The following PTPRD variants were observed in gnomAD, a reference collection of about 807,000 sequenced individuals.
PTPRD encodes the protein protein tyrosine phosphatase receptor type D.
A neutral mutation model predicts 214.5 loss-of-function variants in PTPRD; 34 were observed. The observed-to-expected ratio is 0.16, with a 90% CI of 0.12 to 0.21. The LOEUF is 0.21. PTPRD is among the 10% of genes least tolerant of loss of function. The pLI, the probability that PTPRD is intolerant of heterozygous loss-of-function variation, is 1.00. For synonymous variants in PTPRD, 1,128 were observed against 845.7 expected, an observed-to-expected ratio of 1.33 and a Z score of -5.79; for missense variants, 2,545 against 2,398.7, an observed-to-expected ratio of 1.06 and a Z score of -1.27.
chr9:10,579,172 G>C (rs975996402), intron 2 of PTPRD, among the ~76,000 whole-genome samples: 1 of 152,046 alleles, frequency 6.6e-6, no homozygotes, highest in Non-Finnish European at 1.5e-5. Flanking sequence ...TCCTTTGCAG[G>C]TACATAGATG....
At chr9:9,303,953 G>A (rs10977648) in intron 9 of PTPRD, among the ~76,000 whole-genome samples, 6 of 152,060 alleles carry the variant, frequency 3.9e-5, no homozygotes, top group East Asian at 1.9e-4. Flanking sequence ...ATTGCATTAC[G>A]GGGCTTCTAG....
At chr9:9,848,290 T>C (rs2153658583) in intron 5 of PTPRD, among the ~76,000 whole-genome samples, 2 of 152,242 alleles carry the variant, frequency 1.3e-5, no homozygotes, top group Non-Finnish European at 2.9e-5. Flanking sequence ...GTCCCCTTAA[T>C]GCTATATCTT....
chr9:9,760,769 G>A (rs1487193995), intron 6 of PTPRD, among the ~76,000 whole-genome samples: 2 of 152,116 alleles, frequency 1.3e-5, no homozygotes, highest in East Asian at 3.8e-4. Context: ...AAGATAGACA[G>A]ATGGTGAGTA....
rs139742084 is a variant in PTPRD, at chr9:9,862,211, GA to G, written c.-368+76295del. ...TTGTTTGTATTGAGTGCCATCATTG[GA>G]AAAAAAAAAAAAGTGTTTACCATTT... is the stretch of plus-strand genomic sequence containing the variant. On this transcript the variant is annotated intron_variant, in intron 5 of 45. Transcript: ENST00000381196. Among the ~76,000 whole-genome samples the G allele has an allele frequency of 7.9e-3, 1,074 of 136,218 alleles. 11 individuals are homozygous for G. Among genetic ancestry groups the G allele is most frequent in the East Asian group, 0.041 (194 of 4,752 alleles). The allele number at this position is 136,218 out of a possible 152,430, so 89.4% of individuals were successfully genotyped here.
chr9:10,162,357 T>C (rs146465905), intron 3 of PTPRD, among the ~76,000 whole-genome samples: 1 of 151,476 alleles, frequency 6.6e-6, no homozygotes, highest in Non-Finnish European at 1.5e-5. Flanking sequence ...TGAAATAATA[T>C]TCAGCCATAA....
chr9:9,050,832 T>C (rs913215601), intron 10 of PTPRD, among the ~76,000 whole-genome samples: 3 of 152,174 alleles, frequency 2.0e-5, no homozygotes, highest in Admixed American at 6.6e-5. Flanking sequence ...GTTAATCTCT[T>C]ACTGTGCCTA....
chr9:8,376,227 T>A (rs1349887798), intron 38 of PTPRD, 137 bp from the exon 39 acceptor site: 6 of 1,027,950 alleles, frequency 5.8e-6, no homozygotes, highest in Non-Finnish European at 6.9e-6. Flanking sequence ...GAAGACACAC[T>A]CTTTGGAAAT....
intron 3 of PTPRD, among the ~76,000 whole-genome samples, chr9:10,236,552 T>A (rs1440681638): frequency 6.6e-6 from 1 of 151,970 alleles, no homozygotes; most frequent in Admixed American, 6.6e-5. Context: ...ATATTTGCAG[T>A]ATTAGATTTC....
At chr9:9,605,218 G>A (rs1185575875) in intron 7 of PTPRD, among the ~76,000 whole-genome samples, 3 of 152,020 alleles carry the variant, frequency 2.0e-5, no homozygotes, top group East Asian at 3.8e-4. Flanking sequence ...ACTTTTCACA[G>A]TGAAATAAAG....
chr9:8,369,715 T>C (rs1470643708), intron 39 of PTPRD, among the ~76,000 whole-genome samples: 2 of 152,064 alleles, frequency 1.3e-5, no homozygotes, highest in Non-Finnish European at 2.9e-5. Context: ...GAATAGAAAG[T>C]CTTCCTTTTG....
At chr9:9,962,976 G>A (rs2094460613) in intron 4 of PTPRD, among the ~76,000 whole-genome samples, 1 of 151,792 alleles carries the variant, frequency 6.6e-6, no homozygotes, top group Non-Finnish European at 1.5e-5. Flanking sequence ...TAGTATAGTA[G>A]TACCATTATA....
intron 3 of PTPRD, among the ~76,000 whole-genome samples, chr9:10,172,826 G>T (rs1392896599): frequency 6.6e-6 from 1 of 152,130 alleles, no homozygotes; most frequent in East Asian, 1.9e-4. Context: ...ATGTGAAGAG[G>T]AATAAACTGA....
intron 7 of PTPRD, among the ~76,000 whole-genome samples, chr9:9,602,847 T>G (rs1227676330): frequency 6.6e-6 from 1 of 152,174 alleles, no homozygotes; most frequent in African/African-American, 2.4e-5. Flanking sequence ...ATCTATTCCC[T>G]CAAGCTATGT....
chr9:9,150,025 A>T (rs1464257413), intron 10 of PTPRD, among the ~76,000 whole-genome samples: 1 of 152,202 alleles, frequency 6.6e-6, no homozygotes, highest in Non-Finnish European at 1.5e-5. Context: ...CTTTGGAAGA[A>T]GTGCTGCTGC....
chr9:9,970,923 G>T (rs1229980314), intron 4 of PTPRD, among the ~76,000 whole-genome samples: 1 of 152,020 alleles, frequency 6.6e-6, no homozygotes, highest in Non-Finnish European at 1.5e-5. Flanking sequence ...ACTGTTTATT[G>T]TTCTAAATTT....
Position 9,515,752 on chromosome 9 carries a change from G to GA in PTPRD, c.-237+58979dup, listed in dbSNP as rs1240128793. 1.3e-4 allele frequency among the ~76,000 whole-genome samples: 19 copies of GA among 151,780 alleles called. No homozygotes were observed. In the East Asian group the frequency reaches 3.1e-3, roughly 25 times the overall value. Reference sequence around the variant, plus strand: ...TTTAATAAAGACTGCTAGAAAACATGAAAAAAAGTTTGATGTTCTTAAGTA... The same window carrying GA: ...TTTAATAAAGACTGCTAGAAAACATGAAAAAAAAGTTTGATGTTCTTAAGTA... On this transcript the variant is annotated intron_variant, in intron 8 of 45. Coordinates refer to ENST00000381196, the MANE Select transcript of PTPRD (RefSeq NM_002839.4).
intron 7 of PTPRD, among the ~76,000 whole-genome samples, chr9:9,617,679 G>A (rs1286016898): frequency 6.6e-6 from 1 of 152,156 alleles, no homozygotes; most frequent in Non-Finnish European, 1.5e-5. Flanking sequence ...TATTTGAAGG[G>A]TGGGGTGAAG....
chr9:10,112,676 G>T (rs1031800618), intron 3 of PTPRD, among the ~76,000 whole-genome samples: 3 of 152,002 alleles, frequency 2.0e-5, no homozygotes, highest in African/African-American at 7.3e-5. Flanking sequence ...TCACGGTAAG[G>T]GAACAGAAAA....
At chr9:8,904,991 T>C (rs920085948) in intron 11 of PTPRD, among the ~76,000 whole-genome samples, 4 of 152,166 alleles carry the variant, frequency 2.6e-5, no homozygotes, top group African/African-American at 4.8e-5. Context: ...GGCAAGATTG[T>C]AAGAAAATAA....
Sources: allele counts gnomAD v4.1 joint callset (sites outside exome capture counted in the v4.1 genomes callset), GRCh38; gene constraint gnomAD v4.1.1; transcripts MANE v1.5; gene names NCBI Gene and HGNC (gene_info 2026-07-23, HGNC 2026-07-21).